Variants in PITPNC1 observed in about 807,000 individuals in gnomAD.
The protein encoded by PITPNC1 is phosphatidylinositol transfer protein cytoplasmic 1, also known as cytoplasmic phosphatidylinositol transfer protein 1.
A neutral mutation model predicts 44.7 loss-of-function variants in PITPNC1; 18 were observed. That is an observed-to-expected ratio of 0.40 (90% CI 0.28 to 0.60). The LOEUF is 0.60. PITPNC1 is among the 20% of genes least tolerant of loss of function. PITPNC1 has a pLI of 0.39. For missense variants in PITPNC1, 290 were observed against 418.4 expected, an observed-to-expected ratio of 0.69 and a Z score of 2.68; for synonymous variants, 141 against 149.6, an observed-to-expected ratio of 0.94 and a Z score of 0.42.
intron 1 of PITPNC1, among the ~76,000 whole-genome samples, chr17:67,426,563 A>T (rs974633254): frequency 1.3e-4 from 20 of 151,526 alleles, no homozygotes; most frequent in African/African-American, 4.6e-4. Flanking sequence ...AACAATGAGA[A>T]CACATGGACA....
intron 1 of PITPNC1, among the ~76,000 whole-genome samples, chr17:67,393,327 T>A (rs1457663959): frequency 6.6e-6 from 1 of 151,936 alleles, no homozygotes; most frequent in Admixed American, 6.6e-5. Context: ...AATCCCTATT[T>A]CTCCCTACCC....
At chr17:67,425,468 CCCCT>C (rs749828678) in intron 1 of PITPNC1, among the ~76,000 whole-genome samples, 180 of 143,170 alleles carry the variant, frequency 1.3e-3, no homozygotes, top group African/African-American at 3.9e-3. Flanking sequence ...TCTCTCCCTT[CCCCT>C]CCCTCCCTCC....
chr17:67,604,580 C>T (rs1320947314), intron 5 of PITPNC1, among the ~76,000 whole-genome samples: 2 of 151,948 alleles, frequency 1.3e-5, no homozygotes, highest in African/African-American at 2.4e-5. Context: ...GTCAGGAGTT[C>T]GAGACCAGCC....
intron 1 of PITPNC1, among the ~76,000 whole-genome samples, chr17:67,395,499 G>C (rs527403828): frequency 6.6e-6 from 1 of 152,226 alleles, no homozygotes. Flanking sequence ...GTCTGTGCTT[G>C]AGCTGAGGAG....
chr17:67,586,940 G>A (rs565907208), intron 5 of PITPNC1, among the ~76,000 whole-genome samples: 2 of 152,266 alleles, frequency 1.3e-5, no homozygotes, highest in Admixed American at 1.3e-4. Context: ...AGGATAAAGA[G>A]GGGAGGAAGG....
chr17:67,444,556 C>G (rs935659701), intron 1 of PITPNC1, among the ~76,000 whole-genome samples: 1 of 151,992 alleles, frequency 6.6e-6, no homozygotes, highest in African/African-American at 2.4e-5. Context: ...TTGCCTTTGT[C>G]CCCTGAAGGT....
chr17:67,578,400 G>A, intron 5 of PITPNC1, 143 bp downstream of exon 5: 1 of 624,430 alleles, frequency 1.6e-6, no homozygotes, highest in East Asian at 2.8e-5. Context: ...GCTTCTGAGG[G>A]TTATTTCCCT....
Position 67,606,470 on chromosome 17 carries a change from A to G in PITPNC1, c.367-25673A>G, listed in dbSNP as rs377022871. On this transcript the variant is annotated intron_variant, in intron 5 of 8. Coordinates refer to ENST00000581322, the MANE Select transcript of PITPNC1 (RefSeq NM_012417.4). ...AAAACCAGCTTTTCCAAAGAGCTCC[A>G]AAGAGCACGTTTAAATTCGGCTAAG... Among the ~76,000 whole-genome samples the G allele has an allele frequency of 1.5e-4, 23 of 152,356 alleles. 1 individual carries two copies. In the East Asian group the frequency reaches 4.0e-3, roughly 27 times the overall value.
At chr17:67,688,164 C>T (rs2042852134) in intron 8 of PITPNC1, among the ~76,000 whole-genome samples, 2 of 150,974 alleles carry the variant, frequency 1.3e-5, no homozygotes, top group South Asian at 4.2e-4. Context: ...CATGGAGAAA[C>T]CTCGTCTCTA....
intron 1 of PITPNC1, among the ~76,000 whole-genome samples, chr17:67,519,585 C>T (rs975913468): frequency 6.6e-6 from 1 of 152,154 alleles, no homozygotes; most frequent in African/African-American, 2.4e-5. Context: ...CACCCATTTG[C>T]TTTCCTCAAT....
chr17:67,501,981 G>C (rs1315582008), intron 1 of PITPNC1, among the ~76,000 whole-genome samples: 1 of 152,212 alleles, frequency 6.6e-6, no homozygotes, highest in Non-Finnish European at 1.5e-5. Flanking sequence ...CTATTAGTGA[G>C]TATTAAATTA....
rs1207712582 is a variant in PITPNC1 at position 67,693,777 on chromosome 17, AG to A, written c.*892del. On this transcript the variant is annotated 3_prime_UTR_variant, in exon 9 of 9. Coordinates refer to ENST00000581322, the MANE Select transcript of PITPNC1 (RefSeq NM_012417.4). ...CTATCTGCCCACTCAAAGAAGTACA[AG>A]GGTAGAGTAAGCTAACTGGGCTTTA... 2.6e-5 allele frequency: 4 copies of A among 152,234 alleles called. No homozygotes were observed. Among genetic ancestry groups the A allele is most frequent in the Non-Finnish European group, 5.9e-5 (4 of 68,056 alleles). 9.4% of individuals were successfully genotyped at this position (152,234 alleles called of 1,614,324 possible).
intron 1 of PITPNC1, among the ~76,000 whole-genome samples, chr17:67,397,287 A>G (rs2038234660): frequency 6.6e-6 from 1 of 152,000 alleles, no homozygotes; most frequent in Non-Finnish European, 1.5e-5. Context: ...GGCCGTGACC[A>G]TCTTATTTTT....
At chr17:67,435,212 T>G (rs1237403011) in intron 1 of PITPNC1, among the ~76,000 whole-genome samples, 1 of 152,058 alleles carries the variant, frequency 6.6e-6, no homozygotes, top group Admixed American at 6.6e-5. Flanking sequence ...CCTCAGTTAC[T>G]TCATCTGTAA....
intron 1 of PITPNC1, among the ~76,000 whole-genome samples, chr17:67,497,529 C>CTTTTTTTTTTTTT (rs34364657): frequency 2.3e-5 from 2 of 87,506 alleles, no homozygotes; most frequent in African/African-American, 4.6e-5. Flanking sequence ...TTGTTCGTGT[C>CTTTTTTTTTTTTT]TTTTTTTTTT....
At chr17:67,513,359 ATATCTATATC>A (rs1329552827) in intron 1 of PITPNC1, among the ~76,000 whole-genome samples, 17 of 9,212 alleles carry the variant, frequency 1.8e-3, no homozygotes, top group South Asian at 0.017. Flanking sequence ...GTCTGTATCT[ATATCTATATC>A]TATATCTATA....
At chr17:67,627,052 C>A (rs2041904969) in intron 5 of PITPNC1, among the ~76,000 whole-genome samples, 1 of 147,454 alleles carries the variant, frequency 6.8e-6, no homozygotes, top group African/African-American at 2.5e-5. Context: ...GAGTTCTAGA[C>A]CACCCTGGCC....
At chr17:67,631,671 T>TATATATATAA (rs1272988970) in intron 5 of PITPNC1, among the ~76,000 whole-genome samples, 870 of 69,606 alleles carry the variant, frequency 0.012, 52 homozygotes, top group East Asian at 0.064. Flanking sequence ...TATATATATA[T>TATATATATAA]AAAATATATA....
intron 5 of PITPNC1, among the ~76,000 whole-genome samples, chr17:67,619,047 A>C (rs2041797373): frequency 6.6e-6 from 1 of 152,190 alleles, no homozygotes; most frequent in Non-Finnish European, 1.5e-5. Flanking sequence ...CGACAGAGTG[A>C]GACTCTGTCT....
Sources: allele counts gnomAD v4.1 joint callset (sites outside exome capture counted in the v4.1 genomes callset), GRCh38; gene constraint gnomAD v4.1.1; transcripts MANE v1.5; gene names NCBI Gene and HGNC (gene_info 2026-07-23, HGNC 2026-07-21).